Variants in ACBD6 observed in about 807,000 individuals in gnomAD.
The protein encoded by ACBD6 is acyl-CoA binding domain containing 6, also known as acyl-CoA-binding domain-containing protein 6.
A neutral mutation model predicts 37.2 loss-of-function variants in ACBD6; 28 were observed. That is an observed-to-expected ratio of 0.75 (90% CI 0.56 to 1.03). The LOEUF (loss-of-function observed/expected upper bound fraction) is 1.03, where lower values mean the gene tolerates loss of function less well. Ranked by LOEUF, ACBD6 falls within the 50% of genes least tolerant of loss-of-function variation. The pLI is 0.00. For missense variants in ACBD6, 340 were observed against 337.4 expected (o/e 1.01, Z -0.06); for synonymous variants, 113 against 126.8 (o/e 0.89, Z 0.73).
At chr1:180,307,157 T>C (rs1650413311) in intron 7 of ACBD6, among the ~76,000 whole-genome samples, 1 of 152,176 alleles carries the variant, frequency 6.6e-6, no homozygotes, top group South Asian at 2.1e-4. Context: ...ATATGCACAA[T>C]GGAACACTAT....
At chr1:180,274,103 A>G (rs1648866865) in exon 11 of ACBD6, 2 of 1,551,726 alleles carry the variant, frequency 1.3e-6, no homozygotes, top group Admixed American at 3.3e-5. Context: ...TTTCCTGGTC[A>G]TGTGTGTTCC....
intron 7 of ACBD6, among the ~76,000 whole-genome samples, chr1:180,311,401 C>T (rs1353539061): frequency 6.6e-6 from 1 of 152,162 alleles, no homozygotes; most frequent in African/African-American, 2.4e-5. Flanking sequence ...AAGCAAAATA[C>T]AATCTCAGAC....
chr1:180,302,115 A>G (rs1650153261), intron 7 of ACBD6, among the ~76,000 whole-genome samples: 1 of 151,998 alleles, frequency 6.6e-6, no homozygotes, highest in Admixed American at 6.6e-5. Flanking sequence ...CAGCACACAA[A>G]CATGGCACAT....
chr1:180,343,175 T>G (rs899125897), intron 6 of ACBD6, among the ~76,000 whole-genome samples: 8 of 151,924 alleles, frequency 5.3e-5, no homozygotes, highest in African/African-American at 1.9e-4. Context: ...AGAGTTAAAA[T>G]GTAAAAAAAT....
chr1:180,402,827 G>T (rs939268874), intron 5 of ACBD6, among the ~76,000 whole-genome samples: 2 of 151,162 alleles, frequency 1.3e-5, no homozygotes, highest in Admixed American at 6.6e-5. Flanking sequence ...CCCTTCACAA[G>T]AAATTACTAA....
intron 7 of ACBD6, among the ~76,000 whole-genome samples, chr1:180,307,727 A>G (rs1431840572): frequency 2.0e-5 from 3 of 152,110 alleles, no homozygotes; most frequent in Non-Finnish European, 4.4e-5. Context: ...GGCCAAGGCA[A>G]GCGGATCATT....
At position 180,333,524 on chromosome 1, in the gene ACBD6, A is replaced by G. The variant is rs149717245; in HGVS notation, c.664-18802T>C. ...GATTCATAGATTTATGTAAATATTTATCTGCAAGGATGTTCATGGCTTAAA... is the reference window on the plus strand; with the variant it reads ...GATTCATAGATTTATGTAAATATTTGTCTGCAAGGATGTTCATGGCTTAAA... On this transcript the variant is annotated intron_variant, in intron 6 of 7. Coordinates refer to ENST00000367595, the MANE Select transcript of ACBD6 (RefSeq NM_032360.4). Among the ~76,000 whole-genome samples, 832 of 152,348 alleles carry G rather than the reference A, an allele frequency of 5.5e-3. 6 individuals carry two copies. Among genetic ancestry groups the G allele is most frequent in the African/African-American group, 0.019 (787 of 41,588 alleles).
intron 3 of ACBD6, among the ~76,000 whole-genome samples, chr1:180,446,486 T>C (rs1649480208): frequency 6.6e-6 from 1 of 152,168 alleles, no homozygotes; most frequent in Non-Finnish European, 1.5e-5. Flanking sequence ...CCTTTTGAAA[T>C]ACTAAATTTT....
At chr1:180,412,109 CAA>C (rs57171524) in intron 5 of ACBD6, among the ~76,000 whole-genome samples, 41 of 112,156 alleles carry the variant, frequency 3.7e-4, no homozygotes, top group Non-Finnish European at 5.2e-4. Context: ...TTCTGAAAGG[CAA>C]AAAAAAAAAA....
chr1:180,397,499 T>C lies in ACBD6; in HGVS notation c.663+17A>G. On this transcript the variant is annotated intron_variant, in intron 6 of 7. Coordinates refer to ENST00000367595, the MANE Select transcript of ACBD6 (RefSeq NM_032360.4). Reference sequence around the variant, plus strand: ...ACTTCAATTTAAAAAATAAAAGCTCTTCTTTATCACTCTTACCTGACAGTT... The same window carrying C: ...ACTTCAATTTAAAAAATAAAAGCTCCTCTTTATCACTCTTACCTGACAGTT... 6.2e-7 allele frequency: 1 copy of C among 1,602,674 alleles called. No homozygotes were observed.
intron 10 of ACBD6, chr1:180,274,641 A>G: frequency 6.7e-7 from 1 of 1,483,444 alleles, no homozygotes; most frequent in African/African-American, 1.4e-5. Context: ...AAGGATCAAA[A>G]GAGACTTGCC....
At chr1:180,413,144 TAC>T (rs1382894354) in intron 5 of ACBD6, among the ~76,000 whole-genome samples, 2 of 152,226 alleles carry the variant, frequency 1.3e-5, no homozygotes, top group African/African-American at 4.8e-5. Flanking sequence ...ATCAGACTCC[TAC>T]AAATTTCAGG....
intron 3 of ACBD6, among the ~76,000 whole-genome samples, chr1:180,482,209 T>A (rs1321480629): frequency 6.6e-6 from 1 of 152,174 alleles, no homozygotes; most frequent in Non-Finnish European, 1.5e-5. Context: ...AATTTATCTA[T>A]CTTTCAATAA....
intron 3 of ACBD6, among the ~76,000 whole-genome samples, chr1:180,464,822 T>G (rs761221484): frequency 2.0e-5 from 3 of 152,160 alleles, no homozygotes; most frequent in Non-Finnish European, 2.9e-5. Flanking sequence ...AGCATGGTAC[T>G]TGTATAAAAA....
At chr1:180,497,716 A>G (rs4517313) in intron 1 of ACBD6, among the ~76,000 whole-genome samples, 73,984 of 152,046 alleles carry the variant, frequency 0.49, 20,820 homozygotes, top group South Asian at 0.66. Context: ...ACATTTTTTA[A>G]TTTTTTTAAT....
intron 3 of ACBD6, among the ~76,000 whole-genome samples, chr1:180,485,811 G>A (rs190118825): frequency 4.6e-5 from 7 of 152,130 alleles, no homozygotes; most frequent in Admixed American, 2.6e-4. Context: ...AAAGGACATA[G>A]AAGCCATCTT....
At chr1:180,495,598 AT>A in intron 1 of ACBD6, 73 bp from the exon 2 acceptor site, 1 of 1,162,854 alleles carries the variant, frequency 8.6e-7, no homozygotes, top group Non-Finnish European at 1.3e-6. Flanking sequence ...TTTCAAATGT[AT>A]TATGTATATT....
intron 3 of ACBD6, among the ~76,000 whole-genome samples, chr1:180,455,785 A>G (rs577883991): frequency 2.6e-5 from 4 of 152,330 alleles, no homozygotes; most frequent in African/African-American, 9.6e-5. Context: ...CACTTTTTAA[A>G]AAATACCACC....
chr1:180,349,782 A>C (rs1035376995), intron 6 of ACBD6, among the ~76,000 whole-genome samples: 1 of 151,960 alleles, frequency 6.6e-6, no homozygotes, highest in Non-Finnish European at 1.5e-5. Flanking sequence ...TTCTCTTTCT[A>C]TCCTGCATAG....
Sources: gnomAD v4.1 joint callset for allele counts (sites outside exome capture counted in the v4.1 genomes callset) on GRCh38, gnomAD v4.1.1 for gene constraint, MANE v1.5 for transcripts, NCBI Gene and HGNC (gene_info 2026-07-23, HGNC 2026-07-21) for gene names.